KCNAB2: variants seen among roughly 807,000 people sequenced by gnomAD.
KCNAB2 encodes potassium voltage-gated channel subfamily A regulatory beta subunit 2.
Under a neutral mutation model 63.6 loss-of-function variants are expected in KCNAB2, and 29 were observed. The ratio of observed to expected loss-of-function variants is 0.46; its 90% confidence interval spans 0.34 to 0.62. The LOEUF (loss-of-function observed/expected upper bound fraction) is 0.62, where lower values mean the gene tolerates loss of function less well. Ranked by LOEUF, KCNAB2 falls within the 20% of genes least tolerant of loss-of-function variation. The pLI, the probability that KCNAB2 is intolerant of heterozygous loss-of-function variation, is 0.01. For missense variants in KCNAB2, 359 were observed against 563.9 expected, an observed-to-expected ratio of 0.64 and a Z score of 3.68; for synonymous variants, 222 against 224.2, an observed-to-expected ratio of 0.99 and a Z score of 0.09.
Position 6,096,799 on chromosome 1 carries a change from C to G in KCNAB2, c.1069+43C>G. 1.1e-5 allele frequency: 16 copies of G among 1,513,550 alleles called. No individual in the cohort carries two copies. The highest frequency in any genetic ancestry group is 1.4e-5 in the Non-Finnish European group (16 of 1,123,954). 93.8% of individuals were successfully genotyped at this position (1,513,550 alleles called of 1,614,324 possible). On this transcript the variant is annotated intron_variant, in intron 14 of 15. Transcript: ENST00000378083. This position sits in a 1 kb window ranked among gnomAD's most constrained non-coding sequence, Gnocchi z 5.9. ...ATGGGGCCAGTGCCCCTGGGGAGAA[C>G]CTGCCCCAGCTGGCCGTAGGTAACA... is the stretch of plus-strand genomic sequence containing the variant.
chr1:6,030,829 T>C (rs1659568302), upstream of KCNAB2, among the ~76,000 whole-genome samples: 1 of 151,600 alleles, frequency 6.6e-6, no homozygotes, highest in Admixed American at 6.6e-5. Flanking sequence ...TGTGTATGTG[T>C]AAGTATATGT....
rs991132287 is a variant in KCNAB2 at position 6,099,208 on chromosome 1, C to T, written c.*634C>T. The T allele has an allele frequency of 1.3e-5, 2 of 153,298 alleles. No individual in the cohort carries two copies. Among genetic ancestry groups the T allele is most frequent in the Non-Finnish European group, 2.9e-5 (2 of 68,844 alleles). The allele number at this position is 153,298 out of a possible 1,614,324, so 9.5% of individuals were successfully genotyped here. ...CACTGGGTCCCGGCAGGGGCCATGC[C>T]TACCAAGCTCGAGCTGGCCCTTGAC... On this transcript the variant is annotated 3_prime_UTR_variant, in exon 16 of 16. Transcript: ENST00000378083.
chr1:6,018,208 A>T (rs1177796232), intron 1 of KCNAB2, among the ~76,000 whole-genome samples: 1 of 152,066 alleles, frequency 6.6e-6, no homozygotes, highest in African/African-American at 2.4e-5. Context: ...AAGTGCTGGG[A>T]TTACAAGCAT....
intron 1 of KCNAB2, among the ~76,000 whole-genome samples, chr1:6,025,800 AAGATGAG>A (rs1459759269): frequency 6.6e-6 from 1 of 152,168 alleles, no homozygotes; most frequent in Non-Finnish European, 1.5e-5. Flanking sequence ...CAGGGAAGAT[AAGATGAG>A]GGAGCGCAGG....
intron 1 of KCNAB2, among the ~76,000 whole-genome samples, chr1:6,001,759 A>C (rs1433284739): frequency 6.6e-6 from 1 of 152,136 alleles, no homozygotes; most frequent in Non-Finnish European, 1.5e-5. Context: ...AGTGTTGCTC[A>C]CATGGTGGTA....
chr1:6,092,208 G>A (rs2100772073), intron 10 of KCNAB2, among the ~76,000 whole-genome samples: 1 of 152,344 alleles, frequency 6.6e-6, no homozygotes, highest in African/African-American at 2.4e-5. Flanking sequence ...ATTGTCCCTG[G>A]GTCTGGGGCC....
Position 6,086,625 on chromosome 1 carries a change from T to G in KCNAB2, c.426-842T>G, listed in dbSNP as rs1431008806. Among the ~76,000 whole-genome samples the G allele has an allele frequency of 2.0e-5, 3 of 152,056 alleles. No homozygotes were observed. The highest frequency in any genetic ancestry group is 1.3e-4 in the Admixed American group (2 of 15,266). On this transcript the variant is annotated intron_variant, in intron 6 of 15. Coordinates refer to ENST00000378083, the MANE Select transcript of KCNAB2 (RefSeq NM_001199862.2). The surrounding 1 kb of genome is among the most constrained non-coding windows in gnomAD (Gnocchi z 4.2). Reference sequence around the variant, plus strand: ...CTCCCTCCTCTGGGAGGGGTCAAGGTCAAACGTGGCTGGGAGGGGCCATCA... The same window carrying G: ...CTCCCTCCTCTGGGAGGGGTCAAGGGCAAACGTGGCTGGGAGGGGCCATCA...
intron 11 of KCNAB2, among the ~76,000 whole-genome samples, chr1:6,095,115 G>A (rs1483227002): frequency 6.6e-6 from 1 of 152,238 alleles, no homozygotes; most frequent in Non-Finnish European, 1.5e-5. Flanking sequence ...CTCCGGCCTG[G>A]GGGTCCCACC....
rs115342357 is a variant in KCNAB2, at chr1:6,004,806, C to G, written c.-53+12018C>G. ...ATCTTTCAGGGAACACAGTCCACCC[C>G]ACACAATAGGTTTCTACCCCCGAGT... is the stretch of plus-strand genomic sequence containing the variant. On this transcript the variant is annotated intron_variant, in intron 1 of 16. Coordinates refer to the KCNAB2 transcript ENST00000341524. Among the ~76,000 whole-genome samples, 482 of 152,290 alleles carry G rather than the reference C, an allele frequency of 3.2e-3. 2 individuals are homozygous for G. The highest frequency in any genetic ancestry group is 0.011 in the African/African-American group (444 of 41,546).
Position 6,086,800 on chromosome 1 carries a change from T to A in KCNAB2, c.426-667T>A, listed in dbSNP as rs983295035. Among the ~76,000 whole-genome samples, 1 of 152,126 alleles carries A rather than the reference T, an allele frequency of 6.6e-6. No homozygotes were observed. The highest frequency in any genetic ancestry group is 2.4e-5 in the African/African-American group (1 of 41,444). ...CAGCTACTCAAACCCAGAACCCCACTGGCCTGGCCACACTTGGGCTCCCTA... is the reference window on the plus strand; with the variant it reads ...CAGCTACTCAAACCCAGAACCCCACAGGCCTGGCCACACTTGGGCTCCCTA... On this transcript the variant is annotated intron_variant, in intron 6 of 15. Coordinates refer to ENST00000378083, the MANE Select transcript of KCNAB2 (RefSeq NM_001199862.2). The surrounding 1 kb of genome is among the most constrained non-coding windows in gnomAD (Gnocchi z 4.2).
rs1325034870 is a variant in KCNAB2, at chr1:6,072,225, G to A, written c.219-530G>A. Among the ~76,000 whole-genome samples, 3 of 152,326 alleles carry A rather than the reference G, an allele frequency of 2.0e-5. No individual in the cohort carries two copies. The South Asian group carries it at 6.2e-4, about 32-fold the overall frequency. Reference sequence around the variant, plus strand: ...CTGTGGCTGTAACAAAGGAAGGGCTGGCCTTGCTTGAGAACTGGCAGCCCT... The same window carrying A: ...CTGTGGCTGTAACAAAGGAAGGGCTAGCCTTGCTTGAGAACTGGCAGCCCT... On this transcript the variant is annotated intron_variant, in intron 2 of 15. Transcript: ENST00000378083.
rs189304443 is a variant in KCNAB2 at position 6,053,386 on chromosome 1, G to A, written c.218+1632G>A. On this transcript the variant is annotated intron_variant, in intron 2 of 15. Coordinates refer to ENST00000378083, the MANE Select transcript of KCNAB2 (RefSeq NM_001199862.2). ...CACGGCAGCCATGGCCTGGGGGTGT[G>A]GGGGGCAGAGAAGCAGCGAGCTTGC... 2.7e-3 allele frequency among the ~76,000 whole-genome samples: 414 copies of A among 152,286 alleles called. 3 individuals carry two copies. The highest frequency in any genetic ancestry group is 2.8e-3 in the Non-Finnish European group (192 of 68,030).
chr1:6,096,761 C>A lies in KCNAB2; in HGVS notation c.1069+5C>A, dbSNP rs988685115. On this transcript the variant is annotated splice_donor_5th_base_variant and intron_variant, in intron 14 of 15. Coordinates refer to ENST00000378083, the MANE Select transcript of KCNAB2 (RefSeq NM_001199862.2). The surrounding 1 kb of genome is among the most constrained non-coding windows in gnomAD (Gnocchi z 5.9). ...CCCTGCCCCAGCTGGCCATAGGTAA[C>A]GGTGGGGTCGCCATGGGGCCAGTGC... 6.4e-7 allele frequency: 1 copy of A among 1,566,982 alleles called. No individual in the cohort carries two copies. Among genetic ancestry groups the A allele is most frequent in the Non-Finnish European group, 8.7e-7 (1 of 1,154,736 alleles).
At chr1:6,043,086 G>T (rs1660636643), upstream of KCNAB2, among the ~76,000 whole-genome samples, 1 of 152,152 alleles carries the variant, frequency 6.6e-6, no homozygotes, top group Admixed American at 6.5e-5. Flanking sequence ...GTATTGTGAT[G>T]TATGTACACA....
chr1:5,997,773 G>A (rs747202055), intron 1 of KCNAB2, among the ~76,000 whole-genome samples: 2 of 152,242 alleles, frequency 1.3e-5, no homozygotes, highest in Non-Finnish European at 2.9e-5. Context: ...ATGCAGGAGG[G>A]TAAGGAATAA....
Position 6,073,931 on chromosome 1 carries a change from G to A in KCNAB2, c.300+161G>A, listed in dbSNP as rs1042159275. On this transcript the variant is annotated intron_variant, in intron 4 of 15. Transcript: ENST00000378083. This position sits in a 1 kb window ranked among gnomAD's most constrained non-coding sequence, Gnocchi z 5.7. ...TGAGGGCGCCCTGCCCCAGGGGAGA[G>A]TAGAAAGGTGAGCCAGGTGGCCATG... 2.9e-6 allele frequency: 2 copies of A among 686,612 alleles called. No individual in the cohort carries two copies. Among genetic ancestry groups the A allele is most frequent in the Non-Finnish European group, 5.0e-6 (2 of 398,520 alleles). The allele number at this position is 686,612 out of a possible 1,614,324, so 42.5% of individuals were successfully genotyped here. A position where few individuals can be genotyped will look rare whatever the true frequency, so the allele number is the denominator to read the frequency against.
chr1:6,073,884 C>A lies in KCNAB2; in HGVS notation c.300+114C>A. ...TGCTCCCGGGAGCCAGCGCAGCAGC[C>A]TCCCTCCCTCTTTCTGTTTTGTGAG... On this transcript the variant is annotated intron_variant, in intron 4 of 15. Transcript: ENST00000378083. The surrounding 1 kb of genome is among the most constrained non-coding windows in gnomAD (Gnocchi z 5.7). 1 of 1,075,448 alleles carries A rather than the reference C, an allele frequency of 9.3e-7. No homozygotes were observed. The highest frequency in any genetic ancestry group is 1.4e-6 in the Non-Finnish European group (1 of 702,824). The allele number at this position is 1,075,448 out of a possible 1,614,324, so 66.6% of individuals were successfully genotyped here. A position where few individuals can be genotyped will look rare whatever the true frequency, so the allele number is the denominator to read the frequency against.
At chr1:6,090,525 G>A (rs1480412570) in intron 9 of KCNAB2, 50 bp downstream of exon 9, 2 of 1,465,216 alleles carry the variant, frequency 1.4e-6, no homozygotes, top group Non-Finnish European at 1.9e-6. Flanking sequence ...GGGGTCTGAA[G>A]GGTCTGAACC....
chr1:6,033,673 G>A (rs1195586809), upstream of KCNAB2, among the ~76,000 whole-genome samples: 2 of 152,104 alleles, frequency 1.3e-5, no homozygotes, highest in Non-Finnish European at 2.9e-5. Context: ...GTAGTGAGTT[G>A]GTAGGAAGAA....
Sources: allele counts gnomAD v4.1 joint callset (sites outside exome capture counted in the v4.1 genomes callset), GRCh38; gene constraint gnomAD v4.1.1; non-coding constraint Gnocchi (gnomAD v3.1); transcripts MANE v1.5; gene names NCBI Gene and HGNC (gene_info 2026-07-23, HGNC 2026-07-21).